The following NKAIN2 variants were observed in gnomAD, a reference collection of about 807,000 sequenced individuals.
The protein encoded by NKAIN2 is sodium/potassium-transporting ATPase subunit beta-1-interacting protein 2.
Under a neutral mutation model 32.6 loss-of-function variants are expected in NKAIN2, and 14 were observed. The observed-to-expected ratio is 0.43, with a 90% CI of 0.28 to 0.67. The LOEUF (loss-of-function observed/expected upper bound fraction) is 0.67. Among genes scored for constraint, NKAIN2 ranks in the 30% least tolerant of loss-of-function variants. The pLI is 0.17. For synonymous variants in NKAIN2, 80 were observed against 87.2 expected (o/e 0.92, Z 0.46); for missense variants, 198 against 258.3 (o/e 0.77, Z 1.60).
At chr6:124,020,116 G>C (rs907842825) in intron 1 of NKAIN2, among the ~76,000 whole-genome samples, 1 of 152,088 alleles carries the variant, frequency 6.6e-6, no homozygotes, top group Non-Finnish European at 1.5e-5. Context: ...AGAGAAGGCA[G>C]CTGGAAGCAG....
chr6:124,511,466 A>G (rs929622530), intron 3 of NKAIN2, among the ~76,000 whole-genome samples: 4 of 152,184 alleles, frequency 2.6e-5, no homozygotes, highest in African/African-American at 4.8e-5. Context: ...GCAATTAAAA[A>G]TAGAAAAAAT....
chr6:124,597,899 G>T (rs1249090072), intron 3 of NKAIN2, among the ~76,000 whole-genome samples: 1 of 152,150 alleles, frequency 6.6e-6, no homozygotes, highest in Non-Finnish European at 1.5e-5. Context: ...TTATTTGGAT[G>T]ATCTTTCAGT....
At chr6:123,929,811 T>A (rs2114516949) in intron 1 of NKAIN2, among the ~76,000 whole-genome samples, 1 of 152,220 alleles carries the variant, frequency 6.6e-6, no homozygotes, top group East Asian at 1.9e-4. Flanking sequence ...AATGTTTGCA[T>A]TATATTACCC....
intron 3 of NKAIN2, among the ~76,000 whole-genome samples, chr6:124,644,656 G>A (rs983822516): frequency 5.9e-5 from 9 of 152,102 alleles, no homozygotes; most frequent in Non-Finnish European, 1.2e-4. Context: ...CGCCTGCCTC[G>A]GCCCCCCCAA....
intron 1 of NKAIN2, among the ~76,000 whole-genome samples, chr6:124,089,124 G>A (rs1041496731): frequency 1.3e-4 from 20 of 152,030 alleles, no homozygotes; most frequent in African/African-American, 4.1e-4. Context: ...ACAACTTGAG[G>A]GGAGAGACAC....
chr6:124,024,576 A>G (rs755017756), intron 1 of NKAIN2, among the ~76,000 whole-genome samples: 3 of 152,072 alleles, frequency 2.0e-5, no homozygotes, highest in Non-Finnish European at 4.4e-5. Flanking sequence ...CTCATTTTTT[A>G]TACTTAAATT....
chr6:123,971,047 A>G (rs967268162), intron 1 of NKAIN2, among the ~76,000 whole-genome samples: 3 of 152,234 alleles, frequency 2.0e-5, no homozygotes, highest in African/African-American at 7.2e-5. Context: ...AAAGCTTACT[A>G]TATGCTGGAA....
intron 1 of NKAIN2, among the ~76,000 whole-genome samples, chr6:124,198,750 A>G (rs752383943): frequency 6.6e-6 from 1 of 151,900 alleles, no homozygotes; most frequent in Non-Finnish European, 1.5e-5. Flanking sequence ...TGCTCTCCCA[A>G]GGGGCATTTT....
intron 1 of NKAIN2, among the ~76,000 whole-genome samples, chr6:124,178,309 T>G (rs942264544): frequency 4.6e-5 from 7 of 151,716 alleles, no homozygotes; most frequent in Admixed American, 1.3e-4. Flanking sequence ...CTTTTTTTTT[T>G]TTTTTTGAGA....
chr6:124,632,418 C>A (rs756928943), intron 3 of NKAIN2, among the ~76,000 whole-genome samples: 1 of 152,046 alleles, frequency 6.6e-6, no homozygotes, highest in Non-Finnish European at 1.5e-5. Flanking sequence ...TTGCCCAGCA[C>A]CCCCATCCCT....
At chr6:124,566,217 T>C (rs116938956) in intron 3 of NKAIN2, among the ~76,000 whole-genome samples, 116 of 152,356 alleles carry the variant, frequency 7.6e-4, no homozygotes, top group East Asian at 2.5e-3. Context: ...AAAAGCGTTT[T>C]CTTATCTTTC....
chr6:124,681,571 G>A (rs1773621514), intron 4 of NKAIN2, among the ~76,000 whole-genome samples: 1 of 151,966 alleles, frequency 6.6e-6, no homozygotes, highest in South Asian at 2.1e-4. Context: ...TATGCTTGCT[G>A]CAGAATGATG....
At chr6:124,027,097 C>A (rs1781144275) in intron 1 of NKAIN2, among the ~76,000 whole-genome samples, 1 of 151,594 alleles carries the variant, frequency 6.6e-6, no homozygotes, top group African/African-American at 2.4e-5. Flanking sequence ...CCTGGGATGT[C>A]CTTTGTCAAT....
intron 3 of NKAIN2, among the ~76,000 whole-genome samples, chr6:124,461,314 C>T (rs1776521768): frequency 6.6e-6 from 1 of 151,204 alleles, no homozygotes; most frequent in Non-Finnish European, 1.5e-5. Context: ...TGTGTAGATA[C>T]ATGCGTGTGC....
At chr6:124,424,113 C>T (rs146160144) in intron 3 of NKAIN2, among the ~76,000 whole-genome samples, 1 of 152,240 alleles carries the variant, frequency 6.6e-6, no homozygotes, top group African/African-American at 2.4e-5. Context: ...CCTGTCTCAG[C>T]CTCCTGAGTA....
At chr6:124,731,890 A>C (rs1029516353) in intron 4 of NKAIN2, among the ~76,000 whole-genome samples, 1 of 152,136 alleles carries the variant, frequency 6.6e-6, no homozygotes. Context: ...TAGTGTCTAC[A>C]TAACAGTATC....
intron 1 of NKAIN2, among the ~76,000 whole-genome samples, chr6:123,897,701 A>C (rs768700284): frequency 3.7e-4 from 56 of 152,026 alleles, no homozygotes; most frequent in Non-Finnish European, 7.8e-4. Context: ...TCTCCTGCTT[A>C]CTACCAAGCA....
At chr6:124,417,484 TCTTG>T (rs1419844901) in intron 3 of NKAIN2, among the ~76,000 whole-genome samples, 1 of 77,058 alleles carries the variant, frequency 1.3e-5, no homozygotes, top group Non-Finnish European at 2.6e-5. Flanking sequence ...TTTCTGCTAA[TCTTG>T]CTTATTTATT....
At chr6:124,275,931 A>G (rs1227350610) in intron 1 of NKAIN2, among the ~76,000 whole-genome samples, 1 of 152,164 alleles carries the variant, frequency 6.6e-6, no homozygotes, top group Non-Finnish European at 1.5e-5. Flanking sequence ...CTTATGTATT[A>G]TAACATCCCC....
Sources: allele counts gnomAD v4.1 joint callset (sites outside exome capture counted in the v4.1 genomes callset), GRCh38; gene constraint gnomAD v4.1.1; transcripts MANE v1.5; gene names NCBI Gene and HGNC (gene_info 2026-07-23, HGNC 2026-07-21).